The following NR3C1 variants were observed in gnomAD, a reference collection of about 807,000 sequenced individuals.
The protein encoded by NR3C1 is glucocorticoid receptor.
NR3C1 carries 14 observed loss-of-function variants against 74.0 expected under a neutral mutation model. The ratio of observed to expected loss-of-function variants is 0.19; its 90% CI spans 0.12 to 0.30. The LOEUF is 0.30. Among genes scored for constraint, NR3C1 ranks in the 10% least tolerant of loss-of-function variants. NR3C1 has a pLI of 1.00. For synonymous variants in NR3C1, 308 were observed against 332.5 expected, an observed-to-expected ratio of 0.93 and a Z score of 0.80; for missense variants, 695 against 909.8, an observed-to-expected ratio of 0.76 and a Z score of 3.04.
At chr5:143,382,532 C>T (rs1437303110) in intron 2 of NR3C1, among the ~76,000 whole-genome samples, 2 of 152,186 alleles carry the variant, frequency 1.3e-5, no homozygotes, top group African/African-American at 4.8e-5. Context: ...GTGCCAGACA[C>T]TGTGCTATGC....
chr5:143,425,544 C>A (rs1236567765), intron 1 of NR3C1, among the ~76,000 whole-genome samples: 1 of 151,804 alleles, frequency 6.6e-6, no homozygotes, highest in African/African-American at 2.4e-5. Flanking sequence ...AAAAGACAAC[C>A]AACATTTCAA....
chr5:143,430,585 G>A (rs1751767368), intron 1 of NR3C1, among the ~76,000 whole-genome samples: 1 of 152,114 alleles, frequency 6.6e-6, no homozygotes, highest in South Asian at 2.1e-4. Context: ...CCTATGAATG[G>A]GATTAGTGCC....
rs183170133 is a variant in NR3C1, at chr5:143,336,937, C to T, written c.1185-22769G>A. ...AGGCTGCAGTGAGCCAAGACTGTGC[C>T]GCTGCACTCCAGCCTGGGTGACAGA... On this transcript the variant is annotated intron_variant, in intron 2 of 8. Coordinates refer to ENST00000394464, the MANE Select transcript of NR3C1 (RefSeq NM_000176.3). 1.7e-4 allele frequency among the ~76,000 whole-genome samples: 26 copies of T among 151,444 alleles called. 1 individual carries two copies. The East Asian group carries it at 4.2e-3, about 25-fold the overall frequency.
chr5:143,314,305 C>A, intron 2 of NR3C1, 137 bp from the exon 3 acceptor site: 1 of 826,754 alleles, frequency 1.2e-6, no homozygotes, highest in Non-Finnish European at 2.0e-6. Flanking sequence ...CTAAAATATC[C>A]TAGCTAAATA....
intron 1 of NR3C1, among the ~76,000 whole-genome samples, chr5:143,419,826 G>T (rs1211862427): frequency 1.3e-5 from 2 of 152,098 alleles, no homozygotes; most frequent in Non-Finnish European, 2.9e-5. Flanking sequence ...CAACTGGTCT[G>T]ACCAAAATAT....
chr5:143,410,007 G>A (rs1841240312), intron 1 of NR3C1, among the ~76,000 whole-genome samples: 1 of 152,194 alleles, frequency 6.6e-6, no homozygotes, highest in African/African-American at 2.4e-5. Context: ...ATTCAAGGAT[G>A]AGGCAGCTAT....
chr5:143,406,832 T>C (rs941876547), upstream of NR3C1: 3 of 152,224 alleles, frequency 2.0e-5, no homozygotes, highest in East Asian at 1.9e-4. Flanking sequence ...ACTTACAATA[T>C]GTGCTTACGG....
intron 2 of NR3C1, among the ~76,000 whole-genome samples, chr5:143,387,261 T>C (rs745961173): frequency 7.9e-5 from 12 of 152,214 alleles, no homozygotes; most frequent in Non-Finnish European, 1.2e-4. Context: ...TTTAATTACA[T>C]CTAAATTTCA....
chr5:143,418,400 C>T (rs1751029786), intron 1 of NR3C1, among the ~76,000 whole-genome samples: 1 of 152,160 alleles, frequency 6.6e-6, no homozygotes. Context: ...TACTTTTCCC[C>T]TTTTGGACTG....
At chr5:143,330,958 T>A (rs1308478652) in intron 2 of NR3C1, among the ~76,000 whole-genome samples, 2 of 152,144 alleles carry the variant, frequency 1.3e-5, no homozygotes, top group African/African-American at 4.8e-5. Flanking sequence ...AAAACTATTT[T>A]AAAATTCATA....
chr5:143,375,758 A>T (rs1835081287), intron 2 of NR3C1: 1 of 152,236 alleles, frequency 6.6e-6, no homozygotes, highest in Non-Finnish European at 1.5e-5. Context: ...TACTTCCCTG[A>T]AGACTGTTTA....
At chr5:143,407,587 G>A (rs10440742), upstream of NR3C1, among the ~76,000 whole-genome samples, 617 of 152,322 alleles carry the variant, frequency 4.1e-3, 2 homozygotes, top group African/African-American at 0.014. Context: ...TGCATAGTTG[G>A]TGCTCAGTGG....
chr5:143,333,004 A>C, intron 2 of NR3C1: 25 of 1,587,334 alleles, frequency 1.6e-5, no homozygotes, highest in Non-Finnish European at 2.1e-5. Flanking sequence ...CCTCTGACAG[A>C]CAACACAGTG....
At chr5:143,381,591 C>T (rs1040974246) in intron 2 of NR3C1, among the ~76,000 whole-genome samples, 1 of 152,090 alleles carries the variant, frequency 6.6e-6, no homozygotes, top group East Asian at 1.9e-4. Context: ...AGCATAAAAA[C>T]AGATACACAG....
intron 1 of NR3C1, among the ~76,000 whole-genome samples, chr5:143,412,282 G>T: frequency 1.6e-5 from 2 of 125,632 alleles, no homozygotes; most frequent in African/African-American, 2.9e-5. Flanking sequence ...AGGGGGGAGG[G>T]GAAGCCCCAA....
chr5:143,403,935 G>T (rs1210680600), upstream of NR3C1: 18 of 983,714 alleles, frequency 1.8e-5, no homozygotes, highest in Non-Finnish European at 2.2e-5. Flanking sequence ...TTCGCCCCCC[G>T]CCCCCAACTC....
At chr5:143,426,328 A>G (rs1751527511) in intron 1 of NR3C1, among the ~76,000 whole-genome samples, 1 of 152,204 alleles carries the variant, frequency 6.6e-6, no homozygotes, top group Non-Finnish European at 1.5e-5. Flanking sequence ...AATTAAGAAC[A>G]TACTCAAACT....
chr5:143,306,035 G>T (rs1162054429), intron 4 of NR3C1, among the ~76,000 whole-genome samples: 1 of 152,026 alleles, frequency 6.6e-6, no homozygotes, highest in African/African-American at 2.4e-5. Context: ...ACTTTGGATT[G>T]ATTACAATAT....
At chr5:143,377,847 T>C (rs1835487797) in intron 2 of NR3C1, among the ~76,000 whole-genome samples, 1 of 152,238 alleles carries the variant, frequency 6.6e-6, no homozygotes. Context: ...CAAAAATGTA[T>C]TGATATGAAA....
Sources: allele counts gnomAD v4.1 joint callset (sites outside exome capture counted in the v4.1 genomes callset), GRCh38; gene constraint gnomAD v4.1.1; transcripts MANE v1.5; gene names NCBI Gene and HGNC (gene_info 2026-07-23, HGNC 2026-07-21).